ATP6V0A4: variants seen among roughly 807,000 people sequenced by gnomAD.
ATP6V0A4 encodes the protein ATPase H+ transporting V0 subunit a4, also known as V-type proton ATPase 116 kDa subunit a 4.
Under a neutral mutation model 107.3 loss-of-function variants are expected in ATP6V0A4, and 86 were observed. The ratio of observed to expected loss-of-function variants is 0.80; its 90% confidence interval spans 0.67 to 0.96. The LOEUF (loss-of-function observed/expected upper bound fraction) is 0.96, where lower values mean the gene tolerates loss of function less well. Ranked by LOEUF, ATP6V0A4 falls within the 40% of genes least tolerant of loss-of-function variation. The probability of loss-of-function intolerance (pLI) is 0.00; values close to 1 mark genes in which losing one functional copy is unlikely to be tolerated. For missense variants in ATP6V0A4, 908 were observed against 1,045.6 expected (o/e 0.87, Z 1.81); for synonymous variants, 353 against 381.4 (o/e 0.93, Z 0.87).
chr7:138,790,387 G>A (rs1345474470), intron 1 of ATP6V0A4, among the ~76,000 whole-genome samples: 1 of 152,078 alleles, frequency 6.6e-6, no homozygotes, highest in East Asian at 1.9e-4. Context: ...TCTGCCTCTT[G>A]GGTTCAAGCG....
At chr7:138,716,384 G>A (rs1381849736) in intron 19 of ATP6V0A4, among the ~76,000 whole-genome samples, 1 of 152,028 alleles carries the variant, frequency 6.6e-6, no homozygotes, top group Admixed American at 6.6e-5. Flanking sequence ...CCTGGATTCA[G>A]TGAGGAGCCA....
intron 3 of ATP6V0A4, 62 bp downstream of exon 3, chr7:138,771,069 G>A: frequency 6.9e-7 from 1 of 1,453,506 alleles, no homozygotes; most frequent in Non-Finnish European, 9.6e-7. Flanking sequence ...AAGAAGTGTT[G>A]TGCAAGAGTT....
intron 21 of ATP6V0A4, among the ~76,000 whole-genome samples, chr7:138,708,007 T>A (rs1018475709): frequency 2.0e-5 from 3 of 150,378 alleles, no homozygotes; most frequent in Admixed American, 2.0e-4. Flanking sequence ...GTCGGATGAT[T>A]TATGTTTTAT....
Position 138,784,650 on chromosome 7 carries a change from A to G in ATP6V0A4, c.-18+1508T>C, listed in dbSNP as rs115944789. On this transcript the variant is annotated intron_variant, in intron 2 of 21. Coordinates refer to ENST00000310018, the MANE Select transcript of ATP6V0A4 (RefSeq NM_020632.3). ...AATATTTTTATATACTCTCAAAGTCAACTCAAAACTTTGAAGGAAAATAAT... is the reference window on the plus strand; with the variant it reads ...AATATTTTTATATACTCTCAAAGTCGACTCAAAACTTTGAAGGAAAATAAT... Among the ~76,000 whole-genome samples, 655 of 152,258 alleles carry G rather than the reference A, an allele frequency of 4.3e-3. 6 individuals are homozygous for G. Among genetic ancestry groups the G allele is most frequent in the African/African-American group, 0.015 (622 of 41,546 alleles).
At chr7:138,768,750 C>T in intron 5 of ATP6V0A4, 30 bp downstream of exon 5, 1 of 1,613,048 alleles carries the variant, frequency 6.2e-7, no homozygotes, top group Non-Finnish European at 8.5e-7. Context: ...CTGTCCTTAC[C>T]TGGGGAGGCC....
At position 138,749,235 on chromosome 7, in the gene ATP6V0A4, T is replaced by G. The variant is rs765861392; in HGVS notation, c.1112A>C (p.Lys371Thr). The G allele has an allele frequency of 5.6e-6, 9 of 1,613,966 alleles. No homozygotes were observed. The highest frequency in any genetic ancestry group is 1.7e-5 in the Admixed American group (1 of 59,998). ...AATATTCTGGAAGCCAGCTGTGAAT[T>G]TATTGGTCCTGTTAAATGTGGGAGG... Reference protein sequence around the residue: ...TAPPTFNRTNKFTAGFQNIVD... With the variant: ...TAPPTFNRTNTFTAGFQNIVD... Residue 371 changes from lysine (K) to threonine (T), a missense_variant, in exon 12 of 22, where the codon AAA becomes ACA. By Grantham distance (78) the Lys-to-Thr change is moderately conservative. Coordinates refer to ENST00000310018, the MANE Select transcript of ATP6V0A4 (RefSeq NM_020632.3).
At chr7:138,762,784 T>C (rs1806891887) in intron 6 of ATP6V0A4, 116 bp downstream of exon 6, 1 of 1,253,092 alleles carries the variant, frequency 8.0e-7, no homozygotes, top group Admixed American at 1.7e-5. Context: ...ACCAATGGCC[T>C]AGCCATGGAA....
At chr7:138,757,192 C>A (rs1806552241) in intron 8 of ATP6V0A4, among the ~76,000 whole-genome samples, 1 of 152,148 alleles carries the variant, frequency 6.6e-6, no homozygotes, top group Non-Finnish European at 1.5e-5. Flanking sequence ...TTCTTCCAAT[C>A]TTATTTAGTT....
At chr7:138,761,528 G>A (rs1160106931) in intron 7 of ATP6V0A4, among the ~76,000 whole-genome samples, 2 of 151,782 alleles carry the variant, frequency 1.3e-5, no homozygotes, top group Non-Finnish European at 2.9e-5. Context: ...CCAGCTACTC[G>A]GCTGAGGCAG....
intron 20 of ATP6V0A4, among the ~76,000 whole-genome samples, chr7:138,712,392 C>T (rs948217994): frequency 6.6e-6 from 1 of 152,114 alleles, no homozygotes; most frequent in African/African-American, 2.4e-5. Flanking sequence ...GACACCCCAA[C>T]ACATAGTGCC....
intron 14 of ATP6V0A4, among the ~76,000 whole-genome samples, chr7:138,742,154 C>T (rs936617998): frequency 1.3e-5 from 2 of 152,098 alleles, no homozygotes; most frequent in African/African-American, 2.4e-5. Context: ...CGGCCGGGCA[C>T]GGTGGCTCAC....
At position 138,712,918 on chromosome 7, in the gene ATP6V0A4, G is replaced by A. The variant is rs550656006; in HGVS notation, c.2257+2846C>T. On this transcript the variant is annotated intron_variant, in intron 20 of 21. Coordinates refer to ENST00000310018, the MANE Select transcript of ATP6V0A4 (RefSeq NM_020632.3). ...ATTACCACCACTGACTGCACGAAGC[G>A]CTGAGATCCACTCTAAGGAACAAGT... Among the ~76,000 whole-genome samples, 23 of 152,202 alleles carry A rather than the reference G, an allele frequency of 1.5e-4. No individual in the cohort carries two copies. The South Asian group carries it at 3.9e-3, about 26-fold the overall frequency.
chr7:138,708,294 C>G (rs1803557273), intron 21 of ATP6V0A4, among the ~76,000 whole-genome samples: 1 of 152,140 alleles, frequency 6.6e-6, no homozygotes, highest in Non-Finnish European at 1.5e-5. Context: ...GATCCGCCCG[C>G]CTTGGCCTCC....
chr7:138,745,651 T>C (rs1805880078), intron 13 of ATP6V0A4, among the ~76,000 whole-genome samples: 2 of 31,506 alleles, frequency 6.3e-5, no homozygotes, highest in South Asian at 9.0e-4. Flanking sequence ...CGCTCCAGCC[T>C]GTGTCTCAAA....
intron 13 of ATP6V0A4, 100 bp from the exon 14 acceptor site, chr7:138,745,380 C>T (rs1441181334): frequency 2.6e-6 from 4 of 1,558,990 alleles, no homozygotes; most frequent in East Asian, 2.2e-5. Context: ...CCGGTGCAGG[C>T]ACCCTTGGGG....
intron 17 of ATP6V0A4, among the ~76,000 whole-genome samples, chr7:138,730,857 A>C (rs1804966152): frequency 6.6e-6 from 1 of 151,680 alleles, no homozygotes; most frequent in African/African-American, 2.4e-5. Flanking sequence ...ACAGTAATGC[A>C]CCTGTTTCTG....
intron 5 of ATP6V0A4, among the ~76,000 whole-genome samples, chr7:138,767,270 C>A (rs1403872404): frequency 6.6e-6 from 1 of 152,214 alleles, no homozygotes; most frequent in African/African-American, 2.4e-5. Flanking sequence ...CGCCTGTAAT[C>A]CCAGCACTTT....
Position 138,784,253 on chromosome 7 carries a change from C to T in ATP6V0A4, c.-18+1905G>A, listed in dbSNP as rs567181849. Among the ~76,000 whole-genome samples the T allele has an allele frequency of 5.1e-4, 54 of 106,130 alleles. 1 individual carries two copies. Among genetic ancestry groups the T allele is most frequent in the African/African-American group, 1.7e-3 (33 of 19,318 alleles). 69.6% of individuals were successfully genotyped at this position (106,130 alleles called of 152,430 possible). A position where few individuals can be genotyped will look rare whatever the true frequency, so the allele number is the denominator to read the frequency against. ...ATATATACGTATATATATATATATA[C>T]ATATATATATATACATATATATATA... On this transcript the variant is annotated intron_variant, in intron 2 of 21. Coordinates refer to ENST00000310018, the MANE Select transcript of ATP6V0A4 (RefSeq NM_020632.3).
Position 138,734,299 on chromosome 7 carries a change from G to C in ATP6V0A4, c.1573-45C>G, listed in dbSNP as rs756319723. The C allele has an allele frequency of 7.5e-5, 120 of 1,609,590 alleles. No individual in the cohort carries two copies. In the Middle Eastern group the frequency reaches 9.9e-4, roughly 13 times the overall value. On this transcript the variant is annotated intron_variant, in intron 15 of 21. Coordinates refer to ENST00000310018, the MANE Select transcript of ATP6V0A4 (RefSeq NM_020632.3). ...AAAAACCAAGTGAGAGAGAGTCTTA[G>C]AAGTTCTACTGGAGTTGAGGGCTAC... is the stretch of plus-strand genomic sequence containing the variant.
Sources: gnomAD v4.1 joint callset for allele counts (sites outside exome capture counted in the v4.1 genomes callset) on GRCh38, gnomAD v4.1.1 for gene constraint, MANE v1.5 for transcripts, NCBI Gene and HGNC (gene_info 2026-07-23, HGNC 2026-07-21) for gene names.